The following SLC17A7 variants were observed in gnomAD, a reference collection of about 807,000 sequenced individuals.
SLC17A7 encodes the protein vesicular glutamate transporter 1.
In SLC17A7, 15 loss-of-function variants were observed where a neutral mutation model predicts 59.1. The ratio of observed to expected loss-of-function variants is 0.25; its 90% CI spans 0.17 to 0.39. SLC17A7 has a LOEUF of 0.39. Among genes scored for constraint, SLC17A7 ranks in the 10% least tolerant of loss-of-function variants. The pLI is 1.00. For synonymous variants in SLC17A7, 353 were observed against 308.9 expected, an observed-to-expected ratio of 1.14 and a Z score of -1.50; for missense variants, 499 against 765.1, an observed-to-expected ratio of 0.65 and a Z score of 4.10.
intron 8 of SLC17A7, 61 bp downstream of exon 8, chr19:49,432,750 G>C: frequency 6.3e-7 from 1 of 1,596,196 alleles, no homozygotes; most frequent in Non-Finnish European, 8.5e-7. Context: ...CCTCGGGATC[G>C]CCGCCAGTTC....
chr19:49,441,309 C>G lies in SLC17A7; in HGVS notation c.62+9G>C, dbSNP rs768594270. On this transcript the variant is annotated intron_variant, in intron 1 of 11. Coordinates refer to ENST00000221485, the MANE Select transcript of SLC17A7 (RefSeq NM_020309.4). ...CCCACTCTTCTCCCGGGACCCCCGC[C>G]AGGCTCACCGGTGCAGCTTCCCGAG... The G allele has an allele frequency of 6.2e-7, 1 of 1,609,618 alleles. No individual in the cohort carries two copies. Among genetic ancestry groups the G allele is most frequent in the East Asian group, 2.2e-5 (1 of 44,632 alleles).
chr19:49,434,805 C>G lies in SLC17A7; in HGVS notation c.512G>C (p.Cys171Ser). 6.2e-7 allele frequency: 1 copy of G among 1,614,178 alleles called. No homozygotes were observed. The highest frequency in any genetic ancestry group is 8.5e-7 in the Non-Finnish European group (1 of 1,180,040). Residue 171 changes from cysteine to serine, a missense_variant, in exon 4 of 12, where the codon TGT becomes TCT. Physicochemically the swap from Cys to Ser is moderately radical, Grantham distance 112. This residue lies in a region of SLC17A7 where 323 missense variants were observed against 607.2 expected (regional missense o/e 0.53). Coordinates refer to ENST00000221485, the MANE Select transcript of SLC17A7 (RefSeq NM_020309.4). ...IPSAARVHYG[C>S]VIFVRILQGL... The stretch of plus-strand genomic sequence containing the variant: ...CTGCAGGATCCTCACGAAGATGACA[C>G]AGCCATAGTGGACGCGGGCAGCTGA...
At position 49,431,268 on chromosome 19, in the gene SLC17A7, C is replaced by G; in HGVS notation, c.1261+70G>C. ...CACCTTTTGTGAGGCTGAGAGGCCC[C>G]GTTCCTGAGCCAGGAAGTTCCCTAC... is the stretch of plus-strand genomic sequence containing the variant. On this transcript the variant is annotated intron_variant, in intron 10 of 11. Coordinates refer to ENST00000221485, the MANE Select transcript of SLC17A7 (RefSeq NM_020309.4). The surrounding 1 kb of genome is among the most constrained non-coding windows in gnomAD (Gnocchi z 4.6). 1.3e-6 allele frequency: 2 copies of G among 1,584,888 alleles called. No homozygotes were observed. The highest frequency in any genetic ancestry group is 1.1e-5 in the South Asian group (1 of 88,686).
rs375680793 is a variant in SLC17A7, at chr19:49,434,626, G to T, written c.613C>A (p.Arg205Ser). The change falls in exon 5 of 12, where the codon CGC (arginine) becomes AGC (serine). Residue 205 changes from arginine to serine, a missense_variant. Coordinates refer to ENST00000221485, the MANE Select transcript of SLC17A7 (RefSeq NM_020309.4). ...SKWAPPLERS[R>S]LATTAFCGSY... is the part of the protein sequence containing the mutation. ...CCACAAAAGGCTGTCGTCGCCAGGC[G>T]ACTCCGTTCTAAGGGTGGGGCCCAT... The T allele has an allele frequency of 1.2e-6, 2 of 1,603,300 alleles. No individual in the cohort carries two copies. Among genetic ancestry groups the T allele is most frequent in the Non-Finnish European group, 1.7e-6 (2 of 1,177,374 alleles).
rs185807363 is a variant in SLC17A7 at position 49,438,985 on chromosome 19, C to T, written c.63-2184G>A. Among the ~76,000 whole-genome samples, 4 of 152,132 alleles carry T rather than the reference C, an allele frequency of 2.6e-5. No homozygotes were observed. In the East Asian group the frequency reaches 7.7e-4, roughly 29 times the overall value. ...TATCAATCATTTTAGAGCAAGAGGA[C>T]CAAGGACACAGAGATGAAGGTGGCC... is the stretch of plus-strand genomic sequence containing the variant. On this transcript the variant is annotated intron_variant, in intron 1 of 11. Coordinates refer to ENST00000221485, the MANE Select transcript of SLC17A7 (RefSeq NM_020309.4).
intron 3 of SLC17A7, 67 bp downstream of exon 3, chr19:49,435,101 G>T: frequency 3.1e-6 from 4 of 1,280,942 alleles, no homozygotes; most frequent in Non-Finnish European, 4.5e-6. Context: ...GCAAATTCAA[G>T]ACCACGCCCT....
At chr19:49,435,046 A>G in intron 3 of SLC17A7, 122 bp downstream of exon 3, 1 of 1,014,594 alleles carries the variant, frequency 9.9e-7, no homozygotes, top group Non-Finnish European at 1.5e-6. Context: ...TTTCTCTAAG[A>G]CCCACCCCCA....
At position 49,436,473 on chromosome 19, in the gene SLC17A7, AG is replaced by A. The variant is rs148156261; in HGVS notation, c.315+75del. Reference sequence around the variant, plus strand: ...GCGTGGCCTGGACGTCTGGTGGGTGAGTGTGACGTCATGGGGGCGTAGGCGG... The same window carrying A: ...GCGTGGCCTGGACGTCTGGTGGGTGATGTGACGTCATGGGGGCGTAGGCGG... On this transcript the variant is annotated intron_variant, in intron 2 of 11. Coordinates refer to ENST00000221485, the MANE Select transcript of SLC17A7 (RefSeq NM_020309.4). This position sits in a 1 kb window ranked among gnomAD's most constrained non-coding sequence, Gnocchi z 4.1. 7.0e-4 allele frequency: 1,085 copies of A among 1,550,924 alleles called. 10 individuals are homozygous for A. The African/African-American group carries it at 0.013, about 19-fold the overall frequency.
intron 2 of SLC17A7, chr19:49,435,952 G>C (rs2078978114): frequency 6.5e-6 from 1 of 154,802 alleles, no homozygotes; most frequent in Non-Finnish European, 1.4e-5. Context: ...TGTAGTCCCA[G>C]CTGCTCAGAA....
rs2078968065 is a variant in SLC17A7 at position 49,433,345 on chromosome 19, T to A, written c.867+381A>T. The A allele has an allele frequency of 2.3e-6, 1 of 427,588 alleles. No homozygotes were observed. Among genetic ancestry groups the A allele is most frequent in the African/African-American group, 2.0e-5 (1 of 49,440 alleles). The allele number at this position is 427,588 out of a possible 1,614,324, so 26.5% of individuals were successfully genotyped here. ...CCTGGGCTCAAGCGATCCTGCAGCC[T>A]CCACCCCCAAAGTGTTGGGATTGCA... On this transcript the variant is annotated intron_variant, in intron 7 of 11. Coordinates refer to ENST00000221485, the MANE Select transcript of SLC17A7 (RefSeq NM_020309.4). The surrounding 1 kb of genome is among the most constrained non-coding windows in gnomAD (Gnocchi z 5.7).
Position 49,433,693 on chromosome 19 carries a change from C to T in SLC17A7, c.867+33G>A, listed in dbSNP as rs2078969449. ...TGCAGGTTCGTGGCTTGCTATCTCT[C>T]CCCGCCCCTTCCCCGAAGATTTGGT... On this transcript the variant is annotated intron_variant, in intron 7 of 11. Transcript: ENST00000221485. This position sits in a 1 kb window ranked among gnomAD's most constrained non-coding sequence, Gnocchi z 5.7. 9 of 1,614,006 alleles carry T rather than the reference C, an allele frequency of 5.6e-6. No individual in the cohort carries two copies. Among genetic ancestry groups the T allele is most frequent in the Non-Finnish European group, 7.6e-6 (9 of 1,179,942 alleles).
Position 49,431,216 on chromosome 19 carries a change from C to T in SLC17A7, c.1262-74G>A. On this transcript the variant is annotated intron_variant, in intron 10 of 11. Transcript: ENST00000221485. This position sits in a 1 kb window ranked among gnomAD's most constrained non-coding sequence, Gnocchi z 4.6. ...TGATTCCCACTGGGACGTTCTCAACCCTCTCCCCTCCCCGCCACTCATGTT... is the reference window on the plus strand; with the variant it reads ...TGATTCCCACTGGGACGTTCTCAACTCTCTCCCCTCCCCGCCACTCATGTT... 6.4e-7 allele frequency: 1 copy of T among 1,564,512 alleles called. No individual in the cohort carries two copies. Among genetic ancestry groups the T allele is most frequent in the African/African-American group, 1.3e-5 (1 of 74,292 alleles).
At chr19:49,439,932 TTC>T (rs906839160) in intron 1 of SLC17A7, among the ~76,000 whole-genome samples, 2 of 151,926 alleles carry the variant, frequency 1.3e-5, no homozygotes, top group East Asian at 1.9e-4. Context: ...GCACGTCTCT[TTC>T]TCTCTCTCTC....
At chr19:49,434,375 C>T (rs2122298169) in intron 5 of SLC17A7, among the ~76,000 whole-genome samples, 1 of 151,646 alleles carries the variant, frequency 6.6e-6, no homozygotes, top group African/African-American at 2.4e-5. Context: ...CCAGTCCCTC[C>T]TCCCTCAGAC....
Position 49,430,947 on chromosome 19 carries a change from C to T in SLC17A7, c.1389+68G>A. 13 of 1,561,172 alleles carry T rather than the reference C, an allele frequency of 8.3e-6. No homozygotes were observed. In the South Asian group the frequency reaches 1.4e-4, roughly 17 times the overall value. On this transcript the variant is annotated intron_variant, in intron 11 of 11. Coordinates refer to ENST00000221485, the MANE Select transcript of SLC17A7 (RefSeq NM_020309.4). ...AGGGATGGCACCCCAGAGACAGTGCCACCACGTGGTCAGTTAGGTACGAAG... is the reference window on the plus strand; with the variant it reads ...AGGGATGGCACCCCAGAGACAGTGCTACCACGTGGTCAGTTAGGTACGAAG...
chr19:49,434,048 TA>T lies in SLC17A7; in HGVS notation c.638-3del. The T allele has an allele frequency of 6.2e-7, 1 of 1,607,026 alleles. No individual in the cohort carries two copies. Among genetic ancestry groups the T allele is most frequent in the Non-Finnish European group, 8.5e-7 (1 of 1,174,032 alleles). On this transcript the variant is annotated splice_region_variant and splice_polypyrimidine_tract_variant and intron_variant, in intron 5 of 11. Coordinates refer to ENST00000221485, the MANE Select transcript of SLC17A7 (RefSeq NM_020309.4). ...CGACCACCGCCCCAGCATAGGAACC[TA>T]AGGGGGAGGATGCGGGGGAGAGAAC...
chr19:49,433,296 T>C lies in SLC17A7; in HGVS notation c.868-336A>G, dbSNP rs375541010. 3.3e-4 allele frequency: 131 copies of C among 392,986 alleles called. No individual in the cohort carries two copies. Among genetic ancestry groups the C allele is most frequent in the African/African-American group, 2.4e-3 (113 of 47,978 alleles). The allele number at this position is 392,986 out of a possible 1,614,324, so 24.3% of individuals were successfully genotyped here. A position where few individuals can be genotyped will look rare whatever the true frequency, so the allele number is the denominator to read the frequency against. ...TTGAGTAGAGACGGGGGTTTCGCCA[T>C]GTTGCCCAAGCTGGTCTGGAACTCC... On this transcript the variant is annotated intron_variant, in intron 7 of 11. Transcript: ENST00000221485. The surrounding 1 kb of genome is among the most constrained non-coding windows in gnomAD (Gnocchi z 5.7).
At chr19:49,440,872 C>T (rs1454589631) in intron 1 of SLC17A7, among the ~76,000 whole-genome samples, 1 of 151,516 alleles carries the variant, frequency 6.6e-6, no homozygotes, top group Non-Finnish European at 1.5e-5. Context: ...AGAGCAATGG[C>T]CAGAGAACCA....
chr19:49,435,061 C>T, intron 3 of SLC17A7, 107 bp downstream of exon 3: 1 of 1,042,556 alleles, frequency 9.6e-7, no homozygotes, highest in Admixed American at 1.9e-5. Flanking sequence ...CCCCCAAATC[C>T]AGGCTTCTCC....
Sources: gnomAD v4.1 joint callset for allele counts (sites outside exome capture counted in the v4.1 genomes callset) on GRCh38, gnomAD v4.1.1 for gene constraint, gnomAD v4.1.1 regional missense constraint, Gnocchi (gnomAD v3.1) non-coding constraint, MANE v1.5 for transcripts, NCBI Gene and HGNC (gene_info 2026-07-23, HGNC 2026-07-21) for gene names.